GSE1: variants seen among roughly 807,000 people sequenced by gnomAD.
GSE1 encodes Gse1 coiled-coil protein, also known as genetic suppressor element 1.
Under a neutral mutation model 112.6 loss-of-function variants are expected in GSE1, and 32 were observed. The ratio of observed to expected loss-of-function variants is 0.28; its 90% confidence interval spans 0.21 to 0.38. The LOEUF (loss-of-function observed/expected upper bound fraction) is 0.38, where lower values mean the gene tolerates loss of function less well. Among genes scored for constraint, GSE1 ranks in the 10% least tolerant of loss-of-function variants. The probability of loss-of-function intolerance (pLI) is 1.00; values close to 1 mark genes in which losing one functional copy is unlikely to be tolerated. For synonymous variants in GSE1, 1,115 were observed against 735.6 expected (o/e 1.52, Z -8.35); for missense variants, 2,348 against 1,699.2 (o/e 1.38, Z -6.71).
At chr16:85,570,390 G>A (rs1567600853) in intron 1 of GSE1, among the ~76,000 whole-genome samples, 1 of 152,238 alleles carries the variant, frequency 6.6e-6, no homozygotes, top group Non-Finnish European at 1.5e-5. Flanking sequence ...GTTCCCGCAA[G>A]TGGCCTGCTG....
intron 1 of GSE1, among the ~76,000 whole-genome samples, chr16:85,563,118 G>C (rs1343758197): frequency 1.3e-5 from 2 of 152,110 alleles, no homozygotes; most frequent in African/African-American, 2.4e-5. Flanking sequence ...TGTATTCGAA[G>C]GGAAGAGGGA....
chr16:85,377,584 G>T (rs1319512177), intron 2 of GSE1, among the ~76,000 whole-genome samples: 1 of 152,222 alleles, frequency 6.6e-6, no homozygotes, highest in Non-Finnish European at 1.5e-5. Context: ...GGCACTGTGA[G>T]AAGGAACAGT....
chr16:85,485,813 C>G (rs1421970814), intron 2 of GSE1, among the ~76,000 whole-genome samples: 7 of 152,190 alleles, frequency 4.6e-5, no homozygotes, highest in East Asian at 1.9e-4. Context: ...CAGCCCTCCC[C>G]CTGCAGCCCC....
At chr16:85,208,979 C>A (rs1216078421) in intron 1 of GSE1, among the ~76,000 whole-genome samples, 1 of 148,904 alleles carries the variant, frequency 6.7e-6, no homozygotes, top group African/African-American at 2.5e-5. Context: ...TTGGGGTTTG[C>A]CACTTGTTGG....
chr16:85,659,512 G>A (rs1439328675), intron 8 of GSE1: 14 of 152,308 alleles, frequency 9.2e-5, no homozygotes, highest in African/African-American at 3.4e-4. Flanking sequence ...GCACAAATAT[G>A]GTGACCTCCT....
At chr16:85,338,967 G>A (rs1325306994) in intron 1 of GSE1, among the ~76,000 whole-genome samples, 1 of 152,228 alleles carries the variant, frequency 6.6e-6, no homozygotes, top group Non-Finnish European at 1.5e-5. Flanking sequence ...ATCTCATCCT[G>A]TGAGCGTCGT....
intron 1 of GSE1, among the ~76,000 whole-genome samples, chr16:85,230,551 C>T (rs1302550205): frequency 1.3e-5 from 2 of 152,224 alleles, no homozygotes; most frequent in Admixed American, 6.5e-5. Context: ...TTCGCTCTGC[C>T]TTTTGCTGCG....
At chr16:85,615,168 C>T (rs1412635707) in intron 1 of GSE1, among the ~76,000 whole-genome samples, 1 of 152,194 alleles carries the variant, frequency 6.6e-6, no homozygotes, top group Non-Finnish European at 1.5e-5. Context: ...GCAGGGACGG[C>T]AGAACCTGAG....
chr16:85,511,295 G>A (rs1356217713), intron 2 of GSE1, among the ~76,000 whole-genome samples: 1 of 152,244 alleles, frequency 6.6e-6, no homozygotes, highest in Non-Finnish European at 1.5e-5. Context: ...GGGAGGCCAA[G>A]GCGGGTGGAT....
At chr16:85,644,731 G>C (rs1455346786) in intron 2 of GSE1, among the ~76,000 whole-genome samples, 1 of 152,008 alleles carries the variant, frequency 6.6e-6, no homozygotes, top group Non-Finnish European at 1.5e-5. Flanking sequence ...TGTGGTGATG[G>C]TCGCACAACT....
chr16:85,531,494 T>C (rs560726268), intron 2 of GSE1, among the ~76,000 whole-genome samples: 2 of 152,230 alleles, frequency 1.3e-5, no homozygotes, highest in Non-Finnish European at 2.9e-5. Flanking sequence ...TCGGAGGGCC[T>C]CAGCTTTCCA....
intron 1 of GSE1, among the ~76,000 whole-genome samples, chr16:85,257,552 A>G (rs528792875): frequency 6.6e-6 from 1 of 152,264 alleles, no homozygotes; most frequent in Non-Finnish European, 1.5e-5. Context: ...AAGATAATGA[A>G]AAATGAAATC....
At chr16:85,575,694 C>T (rs1450549690) in intron 1 of GSE1, among the ~76,000 whole-genome samples, 2 of 152,106 alleles carry the variant, frequency 1.3e-5, no homozygotes, top group Non-Finnish European at 2.9e-5. Context: ...TAACTAACAG[C>T]TGGCATCCTG....
intron 6 of GSE1, 118 bp from the exon 7 acceptor site, chr16:85,656,225 C>A: frequency 7.8e-7 from 1 of 1,275,844 alleles, no homozygotes; most frequent in South Asian, 1.4e-5. Context: ...GCTCACCTCC[C>A]GTCACTGTTC....
At chr16:85,256,507 CT>C (rs1907094244) in intron 1 of GSE1, among the ~76,000 whole-genome samples, 1 of 152,242 alleles carries the variant, frequency 6.6e-6, no homozygotes, top group Non-Finnish European at 1.5e-5. Context: ...GAGGTGCTCA[CT>C]CGGGGTCAGG....
At chr16:85,643,415 A>G (rs1486927256) in intron 2 of GSE1, among the ~76,000 whole-genome samples, 1 of 152,118 alleles carries the variant, frequency 6.6e-6, no homozygotes, top group Non-Finnish European at 1.5e-5. Context: ...GCCAGCGGGG[A>G]TTAGGCCGCT....
intron 5 of GSE1, 96 bp from the exon 6 acceptor site, chr16:85,655,629 AG>A: frequency 1.4e-6 from 1 of 719,392 alleles, no homozygotes; most frequent in Non-Finnish European, 2.3e-6. Context: ...CCCCACGCTC[AG>A]GCAGGTGTGT....
intron 1 of GSE1, among the ~76,000 whole-genome samples, chr16:85,228,159 C>T (rs371229121): frequency 2.6e-5 from 4 of 152,220 alleles, no homozygotes; most frequent in Admixed American, 2.0e-4. Context: ...GGAGGAGCAG[C>T]GCTGAGTCCC....
chr16:85,454,630 C>T (rs555040253), intron 2 of GSE1, among the ~76,000 whole-genome samples: 11 of 152,350 alleles, frequency 7.2e-5, no homozygotes, highest in East Asian at 5.8e-4. Context: ...GTCAAGGTGT[C>T]GGCAGGACGC....
Sources: gnomAD v4.1 joint callset for allele counts (sites outside exome capture counted in the v4.1 genomes callset) on GRCh38, gnomAD v4.1.1 for gene constraint, MANE v1.5 for transcripts, NCBI Gene and HGNC (gene_info 2026-07-23, HGNC 2026-07-21) for gene names.